Variants in FKBP15 observed in about 807,000 individuals in gnomAD.
FKBP15 encodes the protein FK506-binding protein 15.
A neutral mutation model predicts 158.1 loss-of-function variants in FKBP15; 106 were observed. The ratio of observed to expected loss-of-function variants is 0.67; its 90% CI spans 0.57 to 0.79. The LOEUF is 0.79. Ranked by LOEUF, FKBP15 falls within the 30% of genes least tolerant of loss-of-function variation. FKBP15 has a pLI of 0.00. For synonymous variants in FKBP15, 547 were observed against 548.6 expected, an observed-to-expected ratio of 1.00 and a Z score of 0.04; for missense variants, 1,287 against 1,479.1, an observed-to-expected ratio of 0.87 and a Z score of 2.13.
intron 21 of FKBP15, 86 bp from the exon 22 acceptor site, chr9:113,174,669 G>T: frequency 2.9e-6 from 4 of 1,379,720 alleles, no homozygotes; most frequent in Middle Eastern, 2.0e-4. Context: ...ATTACCTTGT[G>T]GAATCCTTAC....
intron 11 of FKBP15, among the ~76,000 whole-genome samples, chr9:113,193,209 T>A (rs945837982): frequency 2.6e-5 from 4 of 152,208 alleles, no homozygotes; most frequent in Non-Finnish European, 5.9e-5. Context: ...GACTCCCAAG[T>A]AAGGGGAAAT....
In FKBP15 at chr9:113,162,630, A is replaced by G; in HGVS notation, c.*3448T>C. ...AAGAAATCACTCCTGGGTTAAGCATACAAGTTATAAATCAATCGGGTCACG... is the reference window on the plus strand; with the variant it reads ...AAGAAATCACTCCTGGGTTAAGCATGCAAGTTATAAATCAATCGGGTCACG... On this transcript the variant is annotated 3_prime_UTR_variant, in exon 28 of 28. Coordinates refer to ENST00000238256, the MANE Select transcript of FKBP15 (RefSeq NM_015258.2). The G allele has an allele frequency of 2.2e-6, 2 of 926,352 alleles. No individual in the cohort carries two copies. Among genetic ancestry groups the G allele is most frequent in the South Asian group, 3.3e-5 (2 of 60,700 alleles). 57.4% of individuals were successfully genotyped at this position (926,352 alleles called of 1,614,324 possible).
In FKBP15 at chr9:113,171,668, C is replaced by G. The variant is rs1453094849; in HGVS notation, c.2571G>C (p.Lys857Asn). The G allele has an allele frequency of 6.2e-6, 10 of 1,601,906 alleles. No individual in the cohort carries two copies. In the East Asian group the frequency reaches 2.2e-4, roughly 36 times the overall value. ...ALQAQITALT[K>N]QNEQHIKELE... ...GTTCCTTGATGTGCTGTTCATTTTG[C>G]TTGGTGAGAGCTGTGATTTGGGCCT... is the stretch of plus-strand genomic sequence containing the variant. Residue 857 changes from lysine (K) to asparagine (N), a missense_variant, in exon 24 of 28, where the codon AAG becomes AAC. By Grantham distance (94) the Lys-to-Asn change is moderately conservative. Transcript: ENST00000238256.
intron 20 of FKBP15, among the ~76,000 whole-genome samples, chr9:113,177,880 A>G (rs1289087868): frequency 6.6e-6 from 1 of 152,204 alleles, no homozygotes; most frequent in East Asian, 1.9e-4. Context: ...CTTGCCAGGC[A>G]CTGAACTAAC....
At position 113,190,561 on chromosome 9, in the gene FKBP15, T is replaced by A; in HGVS notation, c.1083A>T (p.Lys361Asn). 6.2e-7 allele frequency: 1 copy of A among 1,610,430 alleles called. No individual in the cohort carries two copies. Residue 361 changes from lysine to asparagine, a missense_variant, in exon 12 of 28, where the codon AAA becomes AAT. Transcript: ENST00000238256. ...TAGCCATCCGAGAGATCAACTTGGC[T>A]TTGACTGCATCGGGACTCTAAAAAG... ...LAINTSPDAVKAKLISRMAKM... is the reference protein window; with the variant it reads ...LAINTSPDAVNAKLISRMAKM...
At chr9:113,211,111 A>ACC in intron 2 of FKBP15, among the ~76,000 whole-genome samples, 1 of 152,110 alleles carries the variant, frequency 6.6e-6, no homozygotes, top group African/African-American at 2.4e-5. Flanking sequence ...ACATACGTAT[A>ACC]TTCTATTAGC....
chr9:113,176,767 G>A, intron 20 of FKBP15, 94 bp from the exon 21 acceptor site: 1 of 1,385,738 alleles, frequency 7.2e-7, no homozygotes, highest in Non-Finnish European at 9.7e-7. Flanking sequence ...TTATTTTTTG[G>A]AGACAAAGCC....
intron 27 of FKBP15, among the ~76,000 whole-genome samples, chr9:113,166,912 A>G (rs1005200920): frequency 6.6e-6 from 1 of 152,188 alleles, no homozygotes; most frequent in Admixed American, 6.5e-5. Flanking sequence ...CACGAACTGA[A>G]TAGTCTCTAC....
intron 27 of FKBP15, among the ~76,000 whole-genome samples, chr9:113,167,286 G>T (rs1830113840): frequency 6.6e-6 from 1 of 152,180 alleles, no homozygotes; most frequent in Admixed American, 6.5e-5. Flanking sequence ...CAACATCTGT[G>T]AAGTCGTTTT....
chr9:113,166,024 AATC>A lies in FKBP15; in HGVS notation c.*51_*53del. The stretch of plus-strand genomic sequence containing the variant: ...CCTAGACCCAGGGTTGGCTGTGCAA[AATC>A]ATGCTTAGGGAAGGGTTGCAGAGAA... On this transcript the variant is annotated 3_prime_UTR_variant, in exon 28 of 28. Coordinates refer to ENST00000238256, the MANE Select transcript of FKBP15 (RefSeq NM_015258.2). 1 of 1,558,752 alleles carries A rather than the reference AATC, an allele frequency of 6.4e-7. No individual in the cohort carries two copies.
chr9:113,189,889 A>G (rs973412088), intron 12 of FKBP15, among the ~76,000 whole-genome samples: 3 of 152,232 alleles, frequency 2.0e-5, no homozygotes, highest in Non-Finnish European at 1.5e-5. Flanking sequence ...AATATTGATC[A>G]ATATCTTTAA....
chr9:113,199,839 A>G lies in FKBP15; in HGVS notation c.623T>C (p.Leu208Pro), dbSNP rs1289974023. The G allele has an allele frequency of 4.3e-6, 7 of 1,612,802 alleles. No homozygotes were observed. Among genetic ancestry groups the G allele is most frequent in the East Asian group, 2.2e-5 (1 of 44,884 alleles). ...CTGGCCCAGCACATGATTCTGAAAG[A>G]GCCAGCCGGTATAGGCCACTTCCAA... is the stretch of plus-strand genomic sequence containing the variant. ...DSLEVAYTGW[L>P]FQNHVLGQVF... The change falls in exon 7 of 28, where the codon CTC becomes CCC. Residue 208 changes from leucine (L) to proline (P), a missense_variant. Leu to Pro is a moderately conservative substitution (Grantham distance 98). Transcript: ENST00000238256.
chr9:113,192,225 C>G (rs1255930167), intron 11 of FKBP15, among the ~76,000 whole-genome samples: 2 of 152,062 alleles, frequency 1.3e-5, no homozygotes, highest in African/African-American at 4.8e-5. Context: ...TTGATTTAAC[C>G]TTCTGGGTTT....
intron 19 of FKBP15, 35 bp downstream of exon 19, chr9:113,182,730 TC>T (rs1014849202): frequency 6.4e-7 from 1 of 1,563,094 alleles, no homozygotes. Flanking sequence ...GCTCTACCCA[TC>T]CTGACCTGGG....
chr9:113,175,646 TACA>T (rs1384974599), intron 21 of FKBP15, among the ~76,000 whole-genome samples: 1 of 152,188 alleles, frequency 6.6e-6, no homozygotes, highest in Non-Finnish European at 1.5e-5. Context: ...GAAAAATATT[TACA>T]ACATCTATGA....
intron 1 of FKBP15, among the ~76,000 whole-genome samples, chr9:113,217,684 A>C (rs1038904217): frequency 6.6e-6 from 1 of 151,996 alleles, no homozygotes; most frequent in Non-Finnish European, 1.5e-5. Context: ...TTTACAAAAA[A>C]TTAAAAATTA....
At position 113,169,760 on chromosome 9, in the gene FKBP15, G is replaced by C. The variant is rs1830171047; in HGVS notation, c.2949C>G (p.Pro983=). The C allele has an allele frequency of 1.2e-6, 2 of 1,607,876 alleles. No individual in the cohort carries two copies. Among genetic ancestry groups the C allele is most frequent in the South Asian group, 2.2e-5 (2 of 89,768 alleles). ...CAGCTTCCTCGACCACCTGCTCTGAGGGCACCATGGGGGACTCTGGCCTCT... is the reference window on the plus strand; with the variant it reads ...CAGCTTCCTCGACCACCTGCTCTGACGGCACCATGGGGGACTCTGGCCTCT... The part of the protein sequence containing the change: ...NRERPESPMV[P]SEQVVEEAVP... Residue 983 remains proline, a synonymous_variant, in exon 26 of 28, where the codon CCC becomes CCG. Coordinates refer to ENST00000238256, the MANE Select transcript of FKBP15 (RefSeq NM_015258.2).
intron 12 of FKBP15, among the ~76,000 whole-genome samples, chr9:113,189,033 A>G (rs1830530904): frequency 6.6e-6 from 1 of 152,250 alleles, no homozygotes; most frequent in African/African-American, 2.4e-5. Flanking sequence ...TCATAAAACC[A>G]AAGCTTTTCA....
Position 113,184,453 on chromosome 9 carries a change from C to G in FKBP15, c.1609-54G>C. On this transcript the variant is annotated intron_variant, in intron 16 of 27. Transcript: ENST00000238256. The surrounding 1 kb of genome is among the most constrained non-coding windows in gnomAD (Gnocchi z 4.5). ...TGAGAAATTATAAAATGAAGAAATA[C>G]AATTTACCCAAGATTTGACCCTGTT... is the stretch of plus-strand genomic sequence containing the variant. 1 of 1,369,950 alleles carries G rather than the reference C, an allele frequency of 7.3e-7. No homozygotes were observed. The highest frequency in any genetic ancestry group is 1.0e-6 in the Non-Finnish European group (1 of 981,458). 84.9% of individuals were successfully genotyped at this position (1,369,950 alleles called of 1,614,324 possible). A position where few individuals can be genotyped will look rare whatever the true frequency, so the allele number is the denominator to read the frequency against.
Sources: allele counts gnomAD v4.1 joint callset (sites outside exome capture counted in the v4.1 genomes callset), GRCh38; gene constraint gnomAD v4.1.1; non-coding constraint Gnocchi (gnomAD v3.1); transcripts MANE v1.5; gene names NCBI Gene and HGNC (gene_info 2026-07-23, HGNC 2026-07-21).